The following MEIS1 variants were observed in gnomAD, a reference collection of about 807,000 sequenced individuals.
MEIS1 encodes the protein Meis homeobox 1.
Under a neutral mutation model 50.8 loss-of-function variants are expected in MEIS1, and 5 were observed. The observed-to-expected ratio is 0.10, with a 90% CI of 0.05 to 0.21. The LOEUF is 0.21. Among genes scored for constraint, MEIS1 ranks in the 10% least tolerant of loss-of-function variants. The pLI is 1.00. For synonymous variants in MEIS1, 176 were observed against 179.3 expected (o/e 0.98, Z 0.15); for missense variants, 318 against 517.3 (o/e 0.61, Z 3.74).
At chr2:66,499,902 A>C (rs1467861832) in intron 7 of MEIS1, among the ~76,000 whole-genome samples, 1 of 152,182 alleles carries the variant, frequency 6.6e-6, no homozygotes, top group African/African-American at 2.4e-5. Context: ...GTCAGTGGAC[A>C]TATGAGTTTA....
At chr2:66,558,121 A>G (rs1256850858) in intron 9 of MEIS1, among the ~76,000 whole-genome samples, 2 of 152,046 alleles carry the variant, frequency 1.3e-5, no homozygotes, top group African/African-American at 4.8e-5. Flanking sequence ...CTCTACTAAA[A>G]ATATAAAATT....
intron 8 of MEIS1, among the ~76,000 whole-genome samples, chr2:66,541,468 A>T (rs1336952543): frequency 1.3e-5 from 2 of 152,108 alleles, no homozygotes; most frequent in Admixed American, 1.3e-4. Context: ...TTTTCCTTCC[A>T]CACCTATGTC....
chr2:66,443,020 T>C lies in MEIS1; in HGVS notation c.602T>C (p.Ile201Thr), dbSNP rs1301661620. Reference sequence around the variant, plus strand: ...GGATCAAAATCAGACAGTGAAGATATAACAAGATCAGCAAATCTAACTGAC... The same window carrying C: ...GGATCAAAATCAGACAGTGAAGATACAACAAGATCAGCAAATCTAACTGAC... ...EGGSKSDSED[I>T]TRSANLTDQP... Residue 201 changes from isoleucine to threonine, a missense_variant, in exon 6 of 13, where the codon ATA (isoleucine) becomes ACA (threonine). Physicochemically the swap from Ile to Thr is moderately conservative, Grantham distance 89. Coordinates refer to ENST00000272369, the MANE Select transcript of MEIS1 (RefSeq NM_002398.3). The C allele has an allele frequency of 1.9e-6, 3 of 1,599,184 alleles. No individual in the cohort carries two copies. The highest frequency in any genetic ancestry group is 1.4e-5 in the African/African-American group (1 of 74,064).
chr2:66,555,695 T>G (rs1171181030), intron 9 of MEIS1, among the ~76,000 whole-genome samples: 1 of 152,134 alleles, frequency 6.6e-6, no homozygotes, highest in African/African-American at 2.4e-5. Flanking sequence ...GTTGGGTGAT[T>G]AACCGTTAAG....
At chr2:66,442,839 TTGTCAA>T in intron 5 of MEIS1, 57 bp from the exon 6 acceptor site, 1 of 1,460,932 alleles carries the variant, frequency 6.8e-7, no homozygotes, top group Non-Finnish European at 9.1e-7. Flanking sequence ...TGGATTGCAC[TTGTCAA>T]TGTCATTTAT....
intron 8 of MEIS1, among the ~76,000 whole-genome samples, chr2:66,532,396 AT>A (rs10711837): frequency 0.59 from 89,953 of 151,412 alleles, 27,252 homozygotes; most frequent in East Asian, 0.81. Context: ...CTGAACATGT[AT>A]CCTTTCAGAG....
intron 7 of MEIS1, among the ~76,000 whole-genome samples, chr2:66,503,995 T>G (rs571327038): frequency 6.6e-6 from 1 of 152,108 alleles, no homozygotes; most frequent in African/African-American, 2.4e-5. Context: ...TCCACCTGCC[T>G]CGGCCTCCCA....
intron 8 of MEIS1, among the ~76,000 whole-genome samples, chr2:66,534,774 A>G (rs960418874): frequency 2.0e-5 from 3 of 152,216 alleles, no homozygotes; most frequent in Admixed American, 2.0e-4. Context: ...CACATTACAT[A>G]AAGCAAAACT....
At chr2:66,535,742 A>G (rs1488056711) in intron 8 of MEIS1, among the ~76,000 whole-genome samples, 1 of 151,834 alleles carries the variant, frequency 6.6e-6, no homozygotes, top group East Asian at 1.9e-4. Context: ...GTTCATAAAG[A>G]TAAAGGTAAT....
At chr2:66,508,273 A>C (rs918831756) in intron 7 of MEIS1, among the ~76,000 whole-genome samples, 3 of 152,120 alleles carry the variant, frequency 2.0e-5, no homozygotes, top group Non-Finnish European at 2.9e-5. Context: ...TTTTAGACTA[A>C]TTTGTGAGAG....
At chr2:66,567,560 C>T in intron 10 of MEIS1, 49 bp downstream of exon 10, 1 of 1,584,174 alleles carries the variant, frequency 6.3e-7, no homozygotes, top group Non-Finnish European at 8.7e-7. Context: ...CGAAAACCAT[C>T]CTCAAGCCAT....
chr2:66,565,667 G>A (rs1251237435), intron 9 of MEIS1, among the ~76,000 whole-genome samples: 1 of 152,058 alleles, frequency 6.6e-6, no homozygotes, highest in Non-Finnish European at 1.5e-5. Flanking sequence ...CCTATTTTTA[G>A]GTAAGTAGTA....
At chr2:66,562,758 A>C (rs1325563465) in intron 9 of MEIS1, among the ~76,000 whole-genome samples, 1 of 152,180 alleles carries the variant, frequency 6.6e-6, no homozygotes, top group Non-Finnish European at 1.5e-5. Context: ...TTTGGTCAGA[A>C]GAAGAAATTC....
chr2:66,482,757 T>C (rs918518156), intron 7 of MEIS1, among the ~76,000 whole-genome samples: 3 of 152,196 alleles, frequency 2.0e-5, no homozygotes, highest in Non-Finnish European at 4.4e-5. Context: ...TACCCCTGAA[T>C]TGAGAACTGT....
At chr2:66,476,966 G>A (rs1242777866) in intron 7 of MEIS1, among the ~76,000 whole-genome samples, 4 of 152,142 alleles carry the variant, frequency 2.6e-5, no homozygotes, top group Non-Finnish European at 5.9e-5. Flanking sequence ...GGGACTTTGT[G>A]TGTGCTTCAG....
At chr2:66,523,171 C>G (rs73937944) in intron 8 of MEIS1, among the ~76,000 whole-genome samples, 1 of 152,100 alleles carries the variant, frequency 6.6e-6, no homozygotes, top group African/African-American at 2.4e-5. Flanking sequence ...CAGTAATGGA[C>G]AGTTGCCGTT....
intron 4 of MEIS1, 168 bp downstream of exon 4, chr2:66,440,780 C>T (rs1350450912): frequency 1.7e-6 from 1 of 581,844 alleles, no homozygotes; most frequent in South Asian, 2.4e-5. Context: ...GGACAAGATC[C>T]CGGGGAAATA....
chr2:66,519,333 G>T (rs190928487), intron 8 of MEIS1, among the ~76,000 whole-genome samples: 1 of 152,156 alleles, frequency 6.6e-6, no homozygotes, highest in Non-Finnish European at 1.5e-5. Context: ...TAATGATAGG[G>T]ATTGTGTAGA....
At chr2:66,443,664 C>T (rs2103691937) in intron 6 of MEIS1, 1 of 152,368 alleles carries the variant, frequency 6.6e-6, no homozygotes, top group East Asian at 1.9e-4. Flanking sequence ...AAAATAAGAC[C>T]AGGCCGAGGT....
Sources: allele counts gnomAD v4.1 joint callset (sites outside exome capture counted in the v4.1 genomes callset), GRCh38; gene constraint gnomAD v4.1.1; transcripts MANE v1.5; gene names NCBI Gene and HGNC (gene_info 2026-07-23, HGNC 2026-07-21).